CNTN5: variants seen among roughly 807,000 people sequenced by gnomAD.
CNTN5 encodes contactin 5.
A neutral mutation model predicts 129.1 loss-of-function variants in CNTN5; 77 were observed. The observed-to-expected ratio is 0.60, with a 90% CI of 0.50 to 0.72. The LOEUF is 0.72. Among genes scored for constraint, CNTN5 ranks in the 30% least tolerant of loss-of-function variants. CNTN5 has a pLI of 0.00. For synonymous variants in CNTN5, 509 were observed against 465.6 expected (o/e 1.09, Z -1.20); for missense variants, 1,478 against 1,328.8 (o/e 1.11, Z -1.75).
chr11:100,155,174 A>G (rs1793060558), intron 13 of CNTN5, among the ~76,000 whole-genome samples: 2 of 152,114 alleles, frequency 1.3e-5, no homozygotes, highest in Admixed American at 6.6e-5. Flanking sequence ...TAAGTCTTTA[A>G]TCTATCTTGA....
At chr11:100,281,921 G>A (rs1239904552) in intron 18 of CNTN5, among the ~76,000 whole-genome samples, 1 of 150,064 alleles carries the variant, frequency 6.7e-6, no homozygotes, top group East Asian at 1.9e-4. Flanking sequence ...CAGAGTTTGT[G>A]TTGGATTCTC....
chr11:99,705,252 G>A (rs1954705081), intron 3 of CNTN5, among the ~76,000 whole-genome samples: 1 of 151,222 alleles, frequency 6.6e-6, no homozygotes, highest in South Asian at 2.1e-4. Flanking sequence ...CTGATTTACA[G>A]AGATTTCTTC....
chr11:100,045,236 G>A (rs1471907497), intron 9 of CNTN5, among the ~76,000 whole-genome samples: 2 of 152,060 alleles, frequency 1.3e-5, no homozygotes, highest in Non-Finnish European at 1.5e-5. Context: ...TTAGGCAGAA[G>A]CCAGGAAGTC....
At chr11:99,981,077 G>GATAGATATATATATAT (rs1938302649) in intron 8 of CNTN5, among the ~76,000 whole-genome samples, 1 of 57,598 alleles carries the variant, frequency 1.7e-5, no homozygotes, top group Admixed American at 1.9e-4. Context: ...GAGCCAATAG[G>GATAGATATATATATAT]ATATATATAT....
At chr11:99,966,608 G>C (rs545338676) in intron 8 of CNTN5, among the ~76,000 whole-genome samples, 11 of 152,256 alleles carry the variant, frequency 7.2e-5, no homozygotes, top group Admixed American at 2.6e-4. Context: ...TGTGAAACTG[G>C]TTGCACCTAC....
At chr11:99,608,790 T>A (rs1419191466) in intron 3 of CNTN5, among the ~76,000 whole-genome samples, 1 of 152,180 alleles carries the variant, frequency 6.6e-6, no homozygotes, top group Non-Finnish European at 1.5e-5. Flanking sequence ...TCCATTCTTC[T>A]AGTTCACATA....
chr11:99,321,155 C>G (rs979542423), intron 1 of CNTN5, among the ~76,000 whole-genome samples: 1 of 151,746 alleles, frequency 6.6e-6, no homozygotes, highest in Non-Finnish European at 1.5e-5. Flanking sequence ...AATTGCACAT[C>G]TTGGGACTTG....
At chr11:100,240,281 C>A (rs1047147294) in intron 16 of CNTN5, among the ~76,000 whole-genome samples, 6 of 149,416 alleles carry the variant, frequency 4.0e-5, no homozygotes, top group African/African-American at 1.5e-4. Context: ...TCTGCAATAA[C>A]CCACTGTCTC....
intron 8 of CNTN5, among the ~76,000 whole-genome samples, chr11:99,995,991 T>C (rs1455927807): frequency 2.0e-5 from 3 of 152,196 alleles, no homozygotes; most frequent in Non-Finnish European, 4.4e-5. Flanking sequence ...TCAGATACTT[T>C]CTTCTGAATA....
At chr11:99,974,949 A>G (rs960777090) in intron 8 of CNTN5, among the ~76,000 whole-genome samples, 3 of 152,260 alleles carry the variant, frequency 2.0e-5, no homozygotes, top group African/African-American at 7.2e-5. Flanking sequence ...GAAAGCCAAC[A>G]TAAATATTTT....
At chr11:100,252,367 C>G (rs1256504359) in intron 16 of CNTN5, among the ~76,000 whole-genome samples, 1 of 152,064 alleles carries the variant, frequency 6.6e-6, no homozygotes, top group Non-Finnish European at 1.5e-5. Flanking sequence ...TGCGAGTTGT[C>G]CTTTCATTCT....
At chr11:99,531,478 A>G (rs890304651) in intron 2 of CNTN5, among the ~76,000 whole-genome samples, 6 of 152,362 alleles carry the variant, frequency 3.9e-5, no homozygotes, top group South Asian at 2.1e-4. Context: ...AGAAATTTCC[A>G]TAAGTAGCAA....
chr11:99,679,356 C>G (rs1953452234), intron 3 of CNTN5, among the ~76,000 whole-genome samples: 1 of 151,908 alleles, frequency 6.6e-6, no homozygotes, highest in African/African-American at 2.4e-5. Context: ...TGTGATAACC[C>G]TGCCACAAAC....
At chr11:99,080,663 T>C (rs1024599207) in intron 1 of CNTN5, among the ~76,000 whole-genome samples, 2 of 152,188 alleles carry the variant, frequency 1.3e-5, no homozygotes, top group African/African-American at 4.8e-5. Context: ...ATGGGATTAA[T>C]ATAACTAATA....
At chr11:99,452,583 A>G (rs1323399536) in intron 2 of CNTN5, among the ~76,000 whole-genome samples, 1 of 152,008 alleles carries the variant, frequency 6.6e-6, no homozygotes, top group East Asian at 1.9e-4. Flanking sequence ...TGTGTTAGCC[A>G]GGATGGTCTT....
At chr11:100,238,269 TG>T (rs1949661121) in intron 16 of CNTN5, among the ~76,000 whole-genome samples, 1 of 152,080 alleles carries the variant, frequency 6.6e-6, no homozygotes, top group African/African-American at 2.4e-5. Context: ...ATTTTTAAAA[TG>T]CCTGATAATC....
rs73550183 is a variant in CNTN5, at chr11:99,039,411, C to T, written c.-210+18141C>T. Reference sequence around the variant, plus strand: ...ATTAATAGGAAATACTGTTGAACTGCGTAAAGGTTCCACATTCTTATTTTT... The same window carrying T: ...ATTAATAGGAAATACTGTTGAACTGTGTAAAGGTTCCACATTCTTATTTTT... On this transcript the variant is annotated intron_variant, in intron 1 of 24. Coordinates refer to ENST00000524871, the MANE Select transcript of CNTN5 (RefSeq NM_014361.4). Among the ~76,000 whole-genome samples the T allele has an allele frequency of 9.8e-3, 1,494 of 152,190 alleles. 24 individuals carry two copies. The highest frequency in any genetic ancestry group is 0.034 in the African/African-American group (1,407 of 41,516).
At chr11:100,169,739 G>A (rs921639162) in intron 13 of CNTN5, among the ~76,000 whole-genome samples, 4 of 151,960 alleles carry the variant, frequency 2.6e-5, no homozygotes, top group Non-Finnish European at 4.4e-5. Flanking sequence ...ATCCGCAATA[G>A]TTCTAAGGTG....
intron 2 of CNTN5, among the ~76,000 whole-genome samples, chr11:99,500,279 A>G (rs1946379763): frequency 6.6e-6 from 1 of 152,228 alleles, no homozygotes; most frequent in Non-Finnish European, 1.5e-5. Flanking sequence ...AACTCAAAGC[A>G]TTTGAACAAA....
Sources: gnomAD v4.1 joint callset for allele counts (sites outside exome capture counted in the v4.1 genomes callset) on GRCh38, gnomAD v4.1.1 for gene constraint, MANE v1.5 for transcripts, NCBI Gene and HGNC (gene_info 2026-07-23, HGNC 2026-07-21) for gene names.